Variants in PPP1R7 observed in about 807,000 individuals in gnomAD.
PPP1R7 encodes protein phosphatase 1 regulatory subunit 22.
Under a neutral mutation model 45.2 loss-of-function variants are expected in PPP1R7, and 18 were observed. The observed-to-expected ratio is 0.40, with a 90% CI of 0.28 to 0.59. The LOEUF (loss-of-function observed/expected upper bound fraction) is 0.59, where lower values mean the gene tolerates loss of function less well. PPP1R7 is among the 20% of genes least tolerant of loss of function. PPP1R7 has a pLI of 0.46. For missense variants in PPP1R7, 314 were observed against 455.8 expected (o/e 0.69, Z 2.83); for synonymous variants, 181 against 183.4 (o/e 0.99, Z 0.11).
rs201071482 is a variant in PPP1R7, at chr2:241,150,489, A to G, written c.-7A>G. The G allele has an allele frequency of 8.1e-6, 13 of 1,596,926 alleles. No individual in the cohort carries two copies. The African/African-American group carries it at 1.5e-4, about 19-fold the overall frequency. On this transcript the variant is annotated 5_prime_UTR_variant, in exon 1 of 10. Coordinates refer to ENST00000234038, the MANE Select transcript of PPP1R7 (RefSeq NM_002712.3). Reference sequence around the variant, plus strand: ...GACAGATTCCGGAAAGGGGAAGAGCAGCCAACATGGCGGCGGAACGCGGCG... The same window carrying G: ...GACAGATTCCGGAAAGGGGAAGAGCGGCCAACATGGCGGCGGAACGCGGCG...
intron 8 of PPP1R7, among the ~76,000 whole-genome samples, chr2:241,169,285 C>A (rs62187410): frequency 6.6e-6 from 1 of 152,190 alleles, no homozygotes; most frequent in African/African-American, 2.4e-5. Flanking sequence ...TGCTACTGTG[C>A]GCCTGGGCAG....
At chr2:241,167,027 C>T in intron 8 of PPP1R7, 1 of 1,611,686 alleles carries the variant, frequency 6.2e-7, no homozygotes, top group South Asian at 1.1e-5. Flanking sequence ...CCCTCCCTCC[C>T]CGGCCCTTCT....
chr2:241,181,360 T>C lies in PPP1R7; in HGVS notation c.907-1287T>C, dbSNP rs534454804. Reference sequence around the variant, plus strand: ...CTCCTGCCACAGACAGATAGAAAAATATGAAACAACTCTATTCAGGCAGTG... The same window carrying C: ...CTCCTGCCACAGACAGATAGAAAAACATGAAACAACTCTATTCAGGCAGTG... On this transcript the variant is annotated intron_variant, in intron 9 of 9. Transcript: ENST00000234038. 1.1e-3 allele frequency among the ~76,000 whole-genome samples: 170 copies of C among 151,858 alleles called. 1 individual carries two copies. Among genetic ancestry groups the C allele is most frequent in the African/African-American group, 3.8e-3 (158 of 41,396 alleles).
intron 9 of PPP1R7, among the ~76,000 whole-genome samples, chr2:241,181,280 G>A (rs1313071079): frequency 1.3e-5 from 2 of 152,094 alleles, no homozygotes; most frequent in Non-Finnish European, 2.9e-5. Flanking sequence ...CCTGACACAC[G>A]GTAAGTTACT....
At chr2:241,167,799 C>T (rs2067745534) in intron 8 of PPP1R7, among the ~76,000 whole-genome samples, 1 of 152,162 alleles carries the variant, frequency 6.6e-6, no homozygotes, top group Non-Finnish European at 1.5e-5. Context: ...TTGTAATCTT[C>T]ATCATGATCA....
upstream of PPP1R7, chr2:241,149,791 T>C: frequency 6.5e-7 from 1 of 1,534,936 alleles, no homozygotes; most frequent in Non-Finnish European, 8.7e-7. Flanking sequence ...GCCGGGTGGC[T>C]CCGCAGGGTA....
chr2:241,172,461 G>A (rs1197137261), intron 9 of PPP1R7, among the ~76,000 whole-genome samples: 4 of 151,862 alleles, frequency 2.6e-5, no homozygotes, highest in African/African-American at 4.8e-5. Flanking sequence ...CCTGGCCAAC[G>A]TGGTGAAACC....
upstream of PPP1R7, chr2:241,149,824 C>G (rs1056210317): frequency 1.3e-6 from 2 of 1,526,274 alleles, no homozygotes; most frequent in South Asian, 2.4e-5. Context: ...AGCGTCCGCA[C>G]TGGGCTGGGA....
chr2:241,179,776 G>A (rs2067968994), intron 9 of PPP1R7, among the ~76,000 whole-genome samples: 1 of 152,242 alleles, frequency 6.6e-6, no homozygotes, highest in African/African-American at 2.4e-5. Context: ...TATGGAGACA[G>A]AGTCTCATAC....
chr2:241,180,740 C>G (rs2067989217), intron 9 of PPP1R7, among the ~76,000 whole-genome samples: 1 of 152,192 alleles, frequency 6.6e-6, no homozygotes, highest in African/African-American at 2.4e-5. Flanking sequence ...CACGTCCCGT[C>G]CACATGGAGG....
chr2:241,173,725 G>A (rs906861173), intron 9 of PPP1R7, among the ~76,000 whole-genome samples: 1 of 152,196 alleles, frequency 6.6e-6, no homozygotes, highest in Admixed American at 6.5e-5. Context: ...AGGCCCCTGA[G>A]GCCATTGCCT....
At chr2:241,157,490 C>G (rs1444607528) in intron 2 of PPP1R7, among the ~76,000 whole-genome samples, 1 of 152,214 alleles carries the variant, frequency 6.6e-6, no homozygotes, top group African/African-American at 2.4e-5. Flanking sequence ...TCAGCTACTT[C>G]CTCCCCTCCT....
chr2:241,155,369 G>A (rs1033558649), intron 2 of PPP1R7: 13 of 152,266 alleles, frequency 8.5e-5, no homozygotes, highest in Admixed American at 7.9e-4. Flanking sequence ...GCCTGGCCTG[G>A]AAAAATCCAA....
In PPP1R7 at chr2:241,155,761, T is replaced by C. The variant is rs529784402; in HGVS notation, c.182-2046T>C. On this transcript the variant is annotated intron_variant, in intron 2 of 9. Transcript: ENST00000234038. ...GCCCAGCATAACTGTGCCCTTCTGC[T>C]CTCAAAGGGTCCTGGTTTGGACTAC... Among the ~76,000 whole-genome samples the C allele has an allele frequency of 2.6e-5, 4 of 152,224 alleles. No individual in the cohort carries two copies. In the East Asian group the frequency reaches 5.8e-4, roughly 22 times the overall value.
At chr2:241,181,405 C>A (rs1453201871) in intron 9 of PPP1R7, among the ~76,000 whole-genome samples, 3 of 152,006 alleles carry the variant, frequency 2.0e-5, no homozygotes, top group Non-Finnish European at 2.9e-5. Context: ...CAGCACGCAC[C>A]TGCAGGCTCT....
intron 7 of PPP1R7, among the ~76,000 whole-genome samples, chr2:241,164,562 C>T (rs773597216): frequency 2.0e-5 from 3 of 152,110 alleles, no homozygotes; most frequent in South Asian, 2.1e-4. Flanking sequence ...ATGTGGAAAC[C>T]GCTCTTAACC....
At chr2:241,161,469 C>T (rs547201489) in intron 6 of PPP1R7, among the ~76,000 whole-genome samples, 2 of 152,240 alleles carry the variant, frequency 1.3e-5, no homozygotes, top group South Asian at 4.2e-4. Flanking sequence ...GATGTACATA[C>T]CGGGGGCTTT....
intron 9 of PPP1R7, among the ~76,000 whole-genome samples, chr2:241,176,616 A>G (rs796251822): frequency 2.2e-4 from 34 of 152,054 alleles, no homozygotes; most frequent in African/African-American, 8.2e-4. Context: ...TGCCACCACC[A>G]TGCCTGGCTA....
At chr2:241,152,187 G>A (rs145966869) in intron 1 of PPP1R7, among the ~76,000 whole-genome samples, 1 of 152,276 alleles carries the variant, frequency 6.6e-6, no homozygotes, top group East Asian at 1.9e-4. Context: ...TAATTTAACC[G>A]TGACAGCAAC....
Sources: allele counts gnomAD v4.1 joint callset (sites outside exome capture counted in the v4.1 genomes callset), GRCh38; gene constraint gnomAD v4.1.1; transcripts MANE v1.5; gene names NCBI Gene and HGNC (gene_info 2026-07-23, HGNC 2026-07-21).